XIRP2: variants seen among roughly 807,000 people sequenced by gnomAD.
The protein encoded by XIRP2 is xin actin-binding repeat-containing protein 2.
XIRP2 carries 236 observed loss-of-function variants against 277.0 expected under a neutral mutation model. That is an observed-to-expected ratio of 0.85 (90% CI 0.77 to 0.95). XIRP2 has a LOEUF of 0.95. Among genes scored for constraint, XIRP2 ranks in the 40% least tolerant of loss-of-function variants. The pLI is 0.00. For missense variants in XIRP2, 4,640 were observed against 4,157.5 expected (o/e 1.12, Z -3.19); for synonymous variants, 1,490 against 1,416.5 (o/e 1.05, Z -1.17).
intron 5 of XIRP2, among the ~76,000 whole-genome samples, chr2:167,222,402 A>C (rs984639192): frequency 4.6e-5 from 7 of 152,128 alleles, no homozygotes; most frequent in Admixed American, 2.6e-4. Flanking sequence ...AGGTTGGGGA[A>C]CCTTTATTAG....
At chr2:167,193,236 A>C (rs958002777) in intron 3 of XIRP2, among the ~76,000 whole-genome samples, 1 of 152,184 alleles carries the variant, frequency 6.6e-6, no homozygotes, top group African/African-American at 2.4e-5. Context: ...CACCCTTTAA[A>C]TAGAAGCAAT....
intron 5 of XIRP2, among the ~76,000 whole-genome samples, chr2:167,235,278 C>G (rs1228849617): frequency 6.6e-6 from 1 of 151,756 alleles, no homozygotes; most frequent in East Asian, 1.9e-4. Flanking sequence ...GAAGAGACTC[C>G]TCTTTCTGAG....
chr2:167,087,662 C>T (rs796409152), intron 2 of XIRP2, among the ~76,000 whole-genome samples: 11 of 152,206 alleles, frequency 7.2e-5, no homozygotes, highest in Non-Finnish European at 1.0e-4. Context: ...TTTTTTAAGC[C>T]GGTCGGAAAA....
Position 167,241,852 on chromosome 2 carries a change from C to G in XIRP2, c.1118C>G (p.Ala373Gly). The stretch of plus-strand genomic sequence containing the variant: ...TTAAAAGAGCAGTTTGAAAAGTCTG[C>G]CCAGGAAAAGATCCTTTATTCTGAC... The part of the protein sequence containing the change: ...KLLKEQFEKS[A>G]QEKILYSDKE... Residue 373 changes from alanine to glycine, a missense_variant, in exon 8 of 11, where the codon GCC becomes GGC. Ala to Gly is a moderately conservative substitution (Grantham distance 60). Transcript: ENST00000409195. The G allele has an allele frequency of 1.2e-6, 2 of 1,613,422 alleles. No homozygotes were observed. The highest frequency in any genetic ancestry group is 1.7e-6 in the Non-Finnish European group (2 of 1,179,668).
intron 5 of XIRP2, among the ~76,000 whole-genome samples, chr2:167,231,570 CTT>C (rs112605974): frequency 1.4e-5 from 2 of 145,148 alleles, no homozygotes; most frequent in Non-Finnish European, 1.5e-5. Context: ...GGACAGTTTT[CTT>C]TTTTTTTTTA....
chr2:166,948,037 T>G (rs1208704703), intron 2 of XIRP2, among the ~76,000 whole-genome samples: 1 of 152,120 alleles, frequency 6.6e-6, no homozygotes, highest in African/African-American at 2.4e-5. Flanking sequence ...AGTAAAGAGA[T>G]CAGCGGTTTC....
Position 167,247,978 on chromosome 2 carries a change from A to G in XIRP2, c.6586A>G (p.Asn2196Asp), listed in dbSNP as rs1022381186. Residue 2196 changes from asparagine (N) to aspartate (D), a missense_variant, in exon 9 of 11, where the codon AAT (asparagine) becomes GAT (aspartate). Coordinates refer to ENST00000409195, the MANE Select transcript of XIRP2 (RefSeq NM_152381.6). ...TLLKQETKYS[N>D]KDIKKKNINL... Reference sequence around the variant, plus strand: ...GTTAAAGCAAGAAACAAAATATTCTAATAAGGATATAAAGAAAAAGAATAT... The same window carrying G: ...GTTAAAGCAAGAAACAAAATATTCTGATAAGGATATAAAGAAAAAGAATAT... 1.9e-6 allele frequency: 3 copies of G among 1,611,688 alleles called. No individual in the cohort carries two copies. In the Admixed American group the frequency reaches 5.0e-5, roughly 27 times the overall value.
At chr2:167,181,791 A>G (rs2105357761) in intron 3 of XIRP2, among the ~76,000 whole-genome samples, 1 of 152,206 alleles carries the variant, frequency 6.6e-6, no homozygotes, top group South Asian at 2.1e-4. Flanking sequence ...TTTATTTTTT[A>G]TATTGGGAGC....
intron 3 of XIRP2, among the ~76,000 whole-genome samples, chr2:167,204,905 T>C (rs927065664): frequency 2.0e-5 from 3 of 152,232 alleles, no homozygotes; most frequent in African/African-American, 7.2e-5. Context: ...TTTTTAAAAA[T>C]ATTTAACTCT....
chr2:167,028,647 T>A (rs1423230818), intron 2 of XIRP2, among the ~76,000 whole-genome samples: 1 of 151,872 alleles, frequency 6.6e-6, no homozygotes, highest in Non-Finnish European at 1.5e-5. Flanking sequence ...AACTCTTCAA[T>A]GTCTAGACAC....
intron 2 of XIRP2, among the ~76,000 whole-genome samples, chr2:167,053,243 T>C (rs909321779): frequency 1.3e-5 from 2 of 152,270 alleles, no homozygotes; most frequent in African/African-American, 2.4e-5. Context: ...AAATGGGACA[T>C]GGACATATTG....
intron 2 of XIRP2, among the ~76,000 whole-genome samples, chr2:167,036,449 T>C (rs1307294551): frequency 3.3e-5 from 5 of 152,172 alleles, no homozygotes; most frequent in African/African-American, 1.2e-4. Context: ...ATTTCAGACT[T>C]GCATGGGCCC....
At chr2:167,135,882 A>G (rs776854261) in intron 2 of XIRP2, 27 bp from the exon 3 acceptor site, 3 of 1,561,150 alleles carry the variant, frequency 1.9e-6, no homozygotes, top group Admixed American at 3.9e-5. Flanking sequence ...AGCTTTTAAC[A>G]TACAACCCTT....
In XIRP2 at chr2:166,903,700, C is replaced by A. The variant is rs569003317; in HGVS notation, c.218C>A (p.Ser73Ter). 4.3e-6 allele frequency: 7 copies of A among 1,613,502 alleles called. No homozygotes were observed. The East Asian group carries it at 1.6e-4, about 36-fold the overall frequency. The change falls in exon 2 of 11, where the codon TCG (serine) becomes TAG (stop). Residue 73 changes from serine (S) to a stop codon, truncating the protein, a stop_gained. Transcript: ENST00000409195. LOFTEE classifies it high-confidence loss of function. ...PYSTGEEMWS[S>*]KPEEKDSVDK... Reference sequence around the variant, plus strand: ...AGTACAGGGGAAGAGATGTGGAGTTCGAAGCCGGAAGAGAAGGATTCTGTG... The same window carrying A: ...AGTACAGGGGAAGAGATGTGGAGTTAGAAGCCGGAAGAGAAGGATTCTGTG...
chr2:166,936,788 C>G (rs911027223), intron 2 of XIRP2, among the ~76,000 whole-genome samples: 4 of 152,100 alleles, frequency 2.6e-5, no homozygotes, highest in African/African-American at 4.8e-5. Flanking sequence ...GTTTTGGTAC[C>G]AGTACCATGC....
At chr2:167,042,284 T>G (rs1482183997) in intron 2 of XIRP2, among the ~76,000 whole-genome samples, 1 of 151,984 alleles carries the variant, frequency 6.6e-6, no homozygotes, top group African/African-American at 2.4e-5. Flanking sequence ...TATAATCAAG[T>G]CTACATAACA....
chr2:166,957,710 A>T (rs1435808264), intron 2 of XIRP2, among the ~76,000 whole-genome samples: 1 of 151,850 alleles, frequency 6.6e-6, no homozygotes, highest in Non-Finnish European at 1.5e-5. Flanking sequence ...AGCATTAAGC[A>T]TATACACCCT....
At chr2:167,152,898 C>T (rs75139311) in intron 3 of XIRP2, among the ~76,000 whole-genome samples, 15,045 of 152,144 alleles carry the variant, frequency 0.099, 801 homozygotes, top group South Asian at 0.16. Context: ...GTACCACAGG[C>T]ATTAAAGTCA....
In XIRP2 at chr2:166,965,578, GTTGT is replaced by G. The variant is rs374689965; in HGVS notation, c.408+61699_408+61702del. ...TTTCTAAATTTGTTTTTTTGTGTTTGTTGTTTGTTTGTTTATTTGTTTTGAGACA... is the reference window on the plus strand; with the variant it reads ...TTTCTAAATTTGTTTTTTTGTGTTTGTTGTTTGTTTATTTGTTTTGAGACA... On this transcript the variant is annotated intron_variant, in intron 2 of 10. Coordinates refer to ENST00000409195, the MANE Select transcript of XIRP2 (RefSeq NM_152381.6). Among the ~76,000 whole-genome samples, 432 of 151,636 alleles carry G rather than the reference GTTGT, an allele frequency of 2.8e-3. 3 individuals carry two copies. The highest frequency in any genetic ancestry group is 8.6e-3 in the African/African-American group (357 of 41,432).
Sources: gnomAD v4.1 joint callset for allele counts (sites outside exome capture counted in the v4.1 genomes callset) on GRCh38, gnomAD v4.1.1 for gene constraint, MANE v1.5 for transcripts, NCBI Gene and HGNC (gene_info 2026-07-23, HGNC 2026-07-21) for gene names.